APLF: variants seen among roughly 807,000 people sequenced by gnomAD.
APLF encodes aprataxin and PNKP like factor.
Under a neutral mutation model 55.6 loss-of-function variants are expected in APLF, and 61 were observed. The observed-to-expected ratio is 1.10, with a 90% CI of 0.89 to 1.36. The LOEUF is 1.36. Ranked by LOEUF, APLF falls within the 40% of genes most tolerant of loss-of-function variation. The pLI is 0.00. For synonymous variants in APLF, 207 were observed against 214.8 expected, an observed-to-expected ratio of 0.96 and a Z score of 0.32; for missense variants, 611 against 602.5, an observed-to-expected ratio of 1.01 and a Z score of -0.15.
intron 3 of APLF, among the ~76,000 whole-genome samples, chr2:68,506,794 T>G (rs971391872): frequency 1.3e-5 from 2 of 151,958 alleles, no homozygotes; most frequent in African/African-American, 4.8e-5. Context: ...ATAAATTTGG[T>G]GTAGTCCTAT....
rs138790323 is a variant in APLF, at chr2:68,502,778, C to G, written c.216C>G (p.Leu72=). Residue 72 remains leucine (L), a synonymous_variant, in exon 3 of 10, where the codon CTC becomes CTG. Transcript: ENST00000303795. ...CFYQSSEKSQ[L]LPLKPNLWCY... ...ACCAGTCTTCAGAGAAGAGTCAGCT[C>G]TTACCATTGAAGCCAAATCTATGGT... 9.4e-6 allele frequency: 15 copies of G among 1,603,086 alleles called. No homozygotes were observed. The African/African-American group carries it at 2.0e-4, about 22-fold the overall frequency.
intron 3 of APLF, among the ~76,000 whole-genome samples, chr2:68,512,280 A>G (rs2103951123): frequency 6.6e-6 from 1 of 151,812 alleles, no homozygotes; most frequent in Non-Finnish European, 1.5e-5. Flanking sequence ...TCAGGATGTC[A>G]TATAAATGGA....
In APLF at chr2:68,525,108, A is replaced by G. The variant is rs140775084; in HGVS notation, c.623-953A>G. On this transcript the variant is annotated intron_variant, in intron 5 of 9. Transcript: ENST00000303795. ...GAGGAGTTCGAGACCAGCCTTGCCA[A>G]CATGGTGAAACTCTGTCTCTACTAA... Among the ~76,000 whole-genome samples the G allele has an allele frequency of 2.9e-3, 443 of 152,262 alleles. 4 individuals are homozygous for G. The highest frequency in any genetic ancestry group is 9.9e-3 in the African/African-American group (413 of 41,544).
At chr2:68,474,221 A>G (rs996284317) in intron 1 of APLF, among the ~76,000 whole-genome samples, 14 of 152,350 alleles carry the variant, frequency 9.2e-5, no homozygotes, top group African/African-American at 3.1e-4. Flanking sequence ...AAGCTTTCCT[A>G]ACCCTGTCCC....
intron 1 of APLF, among the ~76,000 whole-genome samples, chr2:68,469,649 G>A (rs1298144018): frequency 6.6e-6 from 1 of 152,088 alleles, no homozygotes; most frequent in Non-Finnish European, 1.5e-5. Flanking sequence ...TAGTTTTTTC[G>A]ATTTTGGAGC....
intron 2 of APLF, among the ~76,000 whole-genome samples, chr2:68,492,815 A>G (rs571540302): frequency 1.1e-4 from 17 of 152,326 alleles, no homozygotes; most frequent in African/African-American, 3.8e-4. Context: ...TAAAATTTGG[A>G]ATGATTTATT....
intron 6 of APLF, 30 bp from the exon 7 acceptor site, chr2:68,537,842 T>C (rs764580720): frequency 1.4e-5 from 21 of 1,450,006 alleles, no homozygotes; most frequent in African/African-American, 5.7e-5. Context: ...GTTTCATTTA[T>C]TTCTGATGTT....
chr2:68,529,631 C>T lies in APLF; in HGVS notation c.804+3389C>T, dbSNP rs1004199294. 7.1e-5 allele frequency: 16 copies of T among 225,276 alleles called. No homozygotes were observed. Among genetic ancestry groups the T allele is most frequent in the Admixed American group, 1.2e-4 (2 of 16,362 alleles). 14.0% of individuals were successfully genotyped at this position (225,276 alleles called of 1,614,324 possible). A position where few individuals can be genotyped will look rare whatever the true frequency, so the allele number is the denominator to read the frequency against. ...TGTGGAGGAGTGCTTAGGAGCCCAG[C>T]GAGGGTGCCTGCAAGAGGAGTCAGA... is the stretch of plus-strand genomic sequence containing the variant. On this transcript the variant is annotated intron_variant, in intron 6 of 9. Coordinates refer to ENST00000303795, the MANE Select transcript of APLF (RefSeq NM_173545.3). This position sits in a 1 kb window ranked among gnomAD's most constrained non-coding sequence, Gnocchi z 4.4.
Position 68,502,900 on chromosome 2 carries a change from T to G in APLF, c.338T>G (p.Leu113Ter). 6.3e-7 allele frequency: 1 copy of G among 1,599,774 alleles called. No individual in the cohort carries two copies. The highest frequency in any genetic ancestry group is 8.5e-7 in the Non-Finnish European group (1 of 1,175,292). ...IPSEVEMQCT[L>*]RNSQVLDEDN... ...TCTGAAGTGGAAATGCAATGTACCT[T>G]AAGGTAAGTGCCTGATGAAATGAGA... The change falls in exon 3 of 10, where the codon TTA becomes TGA. Residue 113 changes from leucine (L) to a stop codon, truncating the protein, a stop_gained. Coordinates refer to ENST00000303795, the MANE Select transcript of APLF (RefSeq NM_173545.3). LOFTEE classifies it high-confidence loss of function.
chr2:68,482,977 A>C (rs1000925009), intron 1 of APLF, among the ~76,000 whole-genome samples: 7 of 151,722 alleles, frequency 4.6e-5, no homozygotes, highest in Non-Finnish European at 8.8e-5. Flanking sequence ...CCCACTATGC[A>C]GTACCAGAGT....
intron 7 of APLF, among the ~76,000 whole-genome samples, chr2:68,544,279 C>T (rs1370415231): frequency 6.6e-6 from 1 of 151,988 alleles, no homozygotes; most frequent in Non-Finnish European, 1.5e-5. Context: ...ACAGCCGACC[C>T]AAAAGTATTT....
chr2:68,555,133 A>G (rs1402772203), intron 8 of APLF, among the ~76,000 whole-genome samples: 2 of 152,132 alleles, frequency 1.3e-5, no homozygotes, highest in South Asian at 2.1e-4. Context: ...CTGGACCCTC[A>G]TCTCTCACCT....
chr2:68,486,365 A>G (rs912484723), intron 1 of APLF, among the ~76,000 whole-genome samples: 1 of 152,116 alleles, frequency 6.6e-6, no homozygotes, highest in Admixed American at 6.5e-5. Flanking sequence ...AGCTTGCTAT[A>G]CCTGGTTCCA....
At chr2:68,525,740 TTC>T (rs1175272476) in intron 5 of APLF, among the ~76,000 whole-genome samples, 72 of 136,858 alleles carry the variant, frequency 5.3e-4, no homozygotes, top group African/African-American at 2.0e-3. Flanking sequence ...TTTTCTTTCT[TTC>T]TTTTTTTTTT....
rs1670199705 is a variant in APLF, at chr2:68,529,904, C to T, written c.804+3662C>T. On this transcript the variant is annotated intron_variant, in intron 6 of 9. Transcript: ENST00000303795. This position sits in a 1 kb window ranked among gnomAD's most constrained non-coding sequence, Gnocchi z 4.4. ...ACCTGGAAGCAGAGCGCAGGACCAG[C>T]CAGATCCCGCCAGGCTCCCCCGGGG... 6.6e-6 allele frequency among the ~76,000 whole-genome samples: 1 copy of T among 152,226 alleles called. No homozygotes were observed.
chr2:68,562,632 G>A (rs1047365588), intron 8 of APLF, among the ~76,000 whole-genome samples: 5 of 151,896 alleles, frequency 3.3e-5, no homozygotes, highest in East Asian at 3.8e-4. Context: ...TCATGAAAGC[G>A]ATATGATTTG....
At chr2:68,570,024 A>T (rs1671409061) in intron 9 of APLF, among the ~76,000 whole-genome samples, 1 of 152,046 alleles carries the variant, frequency 6.6e-6, no homozygotes, top group Non-Finnish European at 1.5e-5. Context: ...AACTACATTA[A>T]ATTCTTACTC....
At chr2:68,540,035 T>C (rs1291095790) in intron 7 of APLF, among the ~76,000 whole-genome samples, 3 of 152,210 alleles carry the variant, frequency 2.0e-5, no homozygotes, top group Admixed American at 6.5e-5. Flanking sequence ...CTGGAATACA[T>C]GTGCAGAACG....
In APLF at chr2:68,529,800, C is replaced by T. The variant is rs1174580837; in HGVS notation, c.804+3558C>T. On this transcript the variant is annotated intron_variant, in intron 6 of 9. Coordinates refer to ENST00000303795, the MANE Select transcript of APLF (RefSeq NM_173545.3). The surrounding 1 kb of genome is among the most constrained non-coding windows in gnomAD (Gnocchi z 4.4). ...GGCTGATCCGCCAGAGCCCTTCTGCCTGGCGCCTGGCCCAGGTGCTGGCTG... is the reference window on the plus strand; with the variant it reads ...GGCTGATCCGCCAGAGCCCTTCTGCTTGGCGCCTGGCCCAGGTGCTGGCTG... 1 of 152,870 alleles carries T rather than the reference C, an allele frequency of 6.5e-6. No homozygotes were observed. Among genetic ancestry groups the T allele is most frequent in the East Asian group, 1.9e-4 (1 of 5,210 alleles). The allele number at this position is 152,870 out of a possible 1,614,324, so 9.5% of individuals were successfully genotyped here.
Sources: gnomAD v4.1 joint callset for allele counts (sites outside exome capture counted in the v4.1 genomes callset) on GRCh38, gnomAD v4.1.1 for gene constraint, Gnocchi (gnomAD v3.1) non-coding constraint, MANE v1.5 for transcripts, NCBI Gene and HGNC (gene_info 2026-07-23, HGNC 2026-07-21) for gene names.